Variants in NSD1 observed in about 807,000 individuals in gnomAD.
The protein encoded by NSD1 is histone-lysine N-methyltransferase, H3 lysine-36 specific.
A neutral mutation model predicts 242.7 loss-of-function variants in NSD1; 26 were observed. The observed-to-expected ratio is 0.11, with a 90% CI of 0.08 to 0.15. The LOEUF is 0.15. Ranked by LOEUF, NSD1 falls within the 10% of genes least tolerant of loss-of-function variation. The pLI, the probability that NSD1 is intolerant of heterozygous loss-of-function variation, is 1.00. For synonymous variants in NSD1, 1,106 were observed against 1,178.1 expected (o/e 0.94, Z 1.25); for missense variants, 2,495 against 3,272.8 (o/e 0.76, Z 5.80).
chr5:177,171,143 A>T (rs1318678692), intron 2 of NSD1, among the ~76,000 whole-genome samples: 1 of 152,056 alleles, frequency 6.6e-6, no homozygotes, highest in Admixed American at 6.6e-5. Flanking sequence ...CAACGTGGTG[A>T]AACCGTCTCT....
chr5:177,202,912 A>G (rs1392559589), intron 3 of NSD1, among the ~76,000 whole-genome samples: 1 of 152,134 alleles, frequency 6.6e-6, no homozygotes, highest in East Asian at 1.9e-4. Flanking sequence ...TTATTAAGCT[A>G]TGTTTTTTAA....
chr5:177,181,282 G>A (rs1389679386), intron 2 of NSD1, among the ~76,000 whole-genome samples: 2 of 152,028 alleles, frequency 1.3e-5, no homozygotes, highest in Non-Finnish European at 2.9e-5. Context: ...GAGCAAGACT[G>A]TCTCCAGAAA....
intron 2 of NSD1, among the ~76,000 whole-genome samples, chr5:177,174,861 C>A (rs1248022564): frequency 7.0e-6 from 1 of 142,942 alleles, no homozygotes; most frequent in African/African-American, 2.6e-5. Flanking sequence ...CCGTGCCTGG[C>A]CTTATCTGAC....
chr5:177,185,632 T>C (rs985248135), intron 2 of NSD1, among the ~76,000 whole-genome samples: 16 of 135,134 alleles, frequency 1.2e-4, no homozygotes, highest in African/African-American at 4.4e-4. Flanking sequence ...TGCTTTTTTG[T>C]TTGTTTTTTT....
intron 10 of NSD1, among the ~76,000 whole-genome samples, chr5:177,247,565 TAAA>T (rs397881704): frequency 1.5e-5 from 2 of 133,480 alleles, no homozygotes; most frequent in African/African-American, 2.7e-5. Context: ...TGTCTCTACT[TAAA>T]AAAAAAAAAA....
chr5:177,138,725 C>A (rs754209749), intron 2 of NSD1, among the ~76,000 whole-genome samples: 1 of 151,838 alleles, frequency 6.6e-6, no homozygotes, highest in African/African-American at 2.4e-5. Context: ...CTGCAATCTC[C>A]GCCTTCTGGG....
At chr5:177,207,440 G>A (rs1051897998) in intron 4 of NSD1, among the ~76,000 whole-genome samples, 1 of 150,782 alleles carries the variant, frequency 6.6e-6, no homozygotes, top group African/African-American at 2.4e-5. Context: ...CCGCCACCAG[G>A]CCTGGCTAAT....
intron 3 of NSD1, among the ~76,000 whole-genome samples, chr5:177,201,829 G>T (rs1267917433): frequency 6.6e-6 from 1 of 151,498 alleles, no homozygotes; most frequent in East Asian, 2.0e-4. Flanking sequence ...AAAGGGCTGG[G>T]ATTACAGGCA....
intron 2 of NSD1, chr5:177,169,548 C>G (rs1305972434): frequency 5.9e-6 from 1 of 168,370 alleles, no homozygotes. Flanking sequence ...CTTCTTGAAC[C>G]ACCACTGCAC....
chr5:177,201,250 C>T (rs1270528900), intron 3 of NSD1, among the ~76,000 whole-genome samples: 1 of 151,908 alleles, frequency 6.6e-6, no homozygotes, highest in African/African-American at 2.4e-5. Flanking sequence ...TGCTCTGTCT[C>T]CCAGGCTGGA....
chr5:177,203,697 C>T (rs2149835587), intron 3 of NSD1, among the ~76,000 whole-genome samples: 2 of 151,004 alleles, frequency 1.3e-5, no homozygotes, highest in Middle Eastern at 6.8e-3. Context: ...TTATATTAGC[C>T]TAGTGTTTTT....
At chr5:177,147,913 A>G (rs1035342335) in intron 2 of NSD1, among the ~76,000 whole-genome samples, 1 of 151,582 alleles carries the variant, frequency 6.6e-6, no homozygotes, top group African/African-American at 2.4e-5. Flanking sequence ...TTTTATCACT[A>G]AGTAATATTC....
At chr5:177,141,965 C>G (rs1242016140) in intron 2 of NSD1, among the ~76,000 whole-genome samples, 2 of 152,084 alleles carry the variant, frequency 1.3e-5, no homozygotes, top group Non-Finnish European at 2.9e-5. Flanking sequence ...TCCTAAGTAG[C>G]TGGGACTACA....
chr5:177,263,700 C>G (rs1253568526), intron 14 of NSD1, among the ~76,000 whole-genome samples: 2 of 152,166 alleles, frequency 1.3e-5, no homozygotes, highest in South Asian at 2.1e-4. Flanking sequence ...TCAAGCTGAA[C>G]TATCCACATT....
rs938243451 is a variant in NSD1, at chr5:177,256,846, A to G, written c.4766-105A>G. 28 of 914,950 alleles carry G rather than the reference A, an allele frequency of 3.1e-5. No homozygotes were observed. The African/African-American group carries it at 3.9e-4, about 13-fold the overall frequency. 56.7% of individuals were successfully genotyped at this position (914,950 alleles called of 1,614,324 possible). On this transcript the variant is annotated intron_variant, in intron 12 of 22. Coordinates refer to ENST00000439151, the MANE Select transcript of NSD1 (RefSeq NM_022455.5). ...GTTACAGTGGGTTCAGACGATGTCA[A>G]ACCGATCAGTCCATTATAAAATTTC...
At chr5:177,163,632 G>C (rs1449137156) in intron 2 of NSD1, among the ~76,000 whole-genome samples, 1 of 152,110 alleles carries the variant, frequency 6.6e-6, no homozygotes, top group Non-Finnish European at 1.5e-5. Context: ...CACATGGTAG[G>C]TACCTGCTGC....
At chr5:177,208,056 C>T (rs549778799) in intron 4 of NSD1, among the ~76,000 whole-genome samples, 2 of 152,184 alleles carry the variant, frequency 1.3e-5, no homozygotes, top group Non-Finnish European at 2.9e-5. Flanking sequence ...GAGCCACCAT[C>T]CCCAGCAATG....
intron 5 of NSD1, among the ~76,000 whole-genome samples, chr5:177,229,128 A>G (rs1764860954): frequency 6.6e-6 from 1 of 151,120 alleles, no homozygotes; most frequent in Non-Finnish European, 1.5e-5. Flanking sequence ...TTTTTGCTAA[A>G]TAGTATTCCA....
rs1017052340 is a variant in NSD1, at chr5:177,299,693, G to A, written c.*4234G>A. 1 of 233,230 alleles carries A rather than the reference G, an allele frequency of 4.3e-6. No individual in the cohort carries two copies. The highest frequency in any genetic ancestry group is 6.0e-5 in the East Asian group (1 of 16,612). The allele number at this position is 233,230 out of a possible 1,614,324, so 14.4% of individuals were successfully genotyped here. ...CTGCTTATGTGGTTCCTTCTCTAGAGCTGCTTTCCCATGGCTTTCAAAACA... is the reference window on the plus strand; with the variant it reads ...CTGCTTATGTGGTTCCTTCTCTAGAACTGCTTTCCCATGGCTTTCAAAACA... On this transcript the variant is annotated 3_prime_UTR_variant, in exon 23 of 23. Transcript: ENST00000439151.
Sources: allele counts gnomAD v4.1 joint callset (sites outside exome capture counted in the v4.1 genomes callset), GRCh38; gene constraint gnomAD v4.1.1; transcripts MANE v1.5; gene names NCBI Gene and HGNC (gene_info 2026-07-23, HGNC 2026-07-21).